Variants in TMEM132D observed in about 807,000 individuals in gnomAD.
TMEM132D encodes mature OL transmembrane protein.
In TMEM132D, 21 loss-of-function variants were observed where a neutral mutation model predicts 62.3. The observed-to-expected ratio is 0.34, with a 90% CI of 0.24 to 0.49. TMEM132D has a LOEUF of 0.49. Ranked by LOEUF, TMEM132D falls within the 20% of genes least tolerant of loss-of-function variation. The pLI is 0.99. For synonymous variants in TMEM132D, 621 were observed against 575.6 expected, an observed-to-expected ratio of 1.08 and a Z score of -1.13; for missense variants, 1,346 against 1,402.8, an observed-to-expected ratio of 0.96 and a Z score of 0.65.
chr12:129,752,858 C>CT (rs1392911796), intron 1 of TMEM132D, among the ~76,000 whole-genome samples: 3 of 152,196 alleles, frequency 2.0e-5, no homozygotes, highest in Non-Finnish European at 4.4e-5. Context: ...CCACTTACTA[C>CT]TTGGCGAGGA....
chr12:129,885,827 G>A (rs545129799), intron 1 of TMEM132D, among the ~76,000 whole-genome samples: 2 of 152,206 alleles, frequency 1.3e-5, no homozygotes, highest in Admixed American at 6.5e-5. Flanking sequence ...TGACACCCAC[G>A]ACCATCCACT....
intron 1 of TMEM132D, among the ~76,000 whole-genome samples, chr12:129,778,189 A>G (rs1302737568): frequency 4.8e-4 from 3 of 6,308 alleles, no homozygotes; most frequent in Non-Finnish European, 3.0e-3. Context: ...AAGGAATCAG[A>G]AAAAAAAAAC....
At position 129,425,058 on chromosome 12, in the gene TMEM132D, G is replaced by A. The variant is rs1214106433; in HGVS notation, c.1116-87241C>T. 6.4e-4 allele frequency among the ~76,000 whole-genome samples: 97 copies of A among 152,158 alleles called. 1 individual carries two copies. The highest frequency in any genetic ancestry group is 5.9e-5 in the Non-Finnish European group (4 of 68,036). ...GTCTGCTTCTTTCCCTTAGGGTAAT[G>A]AGTTTGAGGTCACCCATGTCAAAGG... On this transcript the variant is annotated intron_variant, in intron 3 of 8. Transcript: ENST00000422113.
chr12:129,553,943 G>C (rs1876976282), intron 2 of TMEM132D, among the ~76,000 whole-genome samples: 1 of 152,108 alleles, frequency 6.6e-6, no homozygotes, highest in African/African-American at 2.4e-5. Context: ...CCATCTCAAA[G>C]GAAACTCTCC....
intron 3 of TMEM132D, among the ~76,000 whole-genome samples, chr12:129,438,972 T>A (rs1298289342): frequency 6.6e-6 from 1 of 152,210 alleles, no homozygotes; most frequent in Admixed American, 6.5e-5. Context: ...CTCTGCAGGA[T>A]CACTTTGGCC....
chr12:129,553,024 G>A (rs975802272), intron 2 of TMEM132D, among the ~76,000 whole-genome samples: 6 of 152,252 alleles, frequency 3.9e-5, no homozygotes, highest in South Asian at 2.1e-4. Flanking sequence ...GAAAGGTCAC[G>A]CCACCATCCG....
chr12:129,330,678 C>T (rs943240122), intron 4 of TMEM132D, among the ~76,000 whole-genome samples: 20 of 152,342 alleles, frequency 1.3e-4, no homozygotes, highest in East Asian at 1.9e-4. Flanking sequence ...TACCTCGGGA[C>T]TCTGCAGAGA....
intron 2 of TMEM132D, among the ~76,000 whole-genome samples, chr12:129,622,292 G>A (rs1358699089): frequency 6.6e-6 from 1 of 152,198 alleles, no homozygotes; most frequent in Admixed American, 6.5e-5. Flanking sequence ...GGGCGATGAC[G>A]AGAAGATGAC....
intron 1 of TMEM132D, among the ~76,000 whole-genome samples, chr12:129,808,235 A>G (rs1872057183): frequency 6.6e-6 from 1 of 152,186 alleles, no homozygotes; most frequent in Admixed American, 6.5e-5. Flanking sequence ...AATGAGCCCT[A>G]TCCTTTATTC....
At chr12:129,235,351 G>A (rs1402571478) in intron 4 of TMEM132D, among the ~76,000 whole-genome samples, 2 of 150,140 alleles carry the variant, frequency 1.3e-5, no homozygotes, top group East Asian at 3.9e-4. Flanking sequence ...CCTCAACAAA[G>A]TTCATTCACA....
At chr12:129,687,931 T>A (rs530695203) in intron 2 of TMEM132D, among the ~76,000 whole-genome samples, 1 of 151,984 alleles carries the variant, frequency 6.6e-6, no homozygotes, top group Non-Finnish European at 1.5e-5. Context: ...TTCAGGAAAA[T>A]GGTAGGCACT....
chr12:129,637,900 A>AC (rs1879529002), intron 2 of TMEM132D, among the ~76,000 whole-genome samples: 1 of 152,144 alleles, frequency 6.6e-6, no homozygotes, highest in Admixed American at 6.5e-5. Context: ...CAAGAATAGC[A>AC]CCAAGGGGTG....
chr12:129,839,625 T>C (rs998697849), intron 1 of TMEM132D, among the ~76,000 whole-genome samples: 1 of 152,176 alleles, frequency 6.6e-6, no homozygotes, highest in African/African-American at 2.4e-5. Flanking sequence ...CTTCTGGGAA[T>C]ATGCCTTAAA....
chr12:129,306,189 C>A (rs1224107154), intron 4 of TMEM132D, among the ~76,000 whole-genome samples: 1 of 152,148 alleles, frequency 6.6e-6, no homozygotes, highest in African/African-American at 2.4e-5. Flanking sequence ...CCTCGGTTAC[C>A]AAAAGCTAAA....
At chr12:129,543,550 T>C (rs181415400) in intron 2 of TMEM132D, among the ~76,000 whole-genome samples, 2 of 152,336 alleles carry the variant, frequency 1.3e-5, no homozygotes, top group Admixed American at 1.3e-4. Flanking sequence ...ACTGTGAGAA[T>C]GCCCAGGGTG....
chr12:129,777,848 T>C (rs1025886651), intron 1 of TMEM132D, among the ~76,000 whole-genome samples: 1 of 152,002 alleles, frequency 6.6e-6, no homozygotes, highest in African/African-American at 2.4e-5. Flanking sequence ...CAGAAATCAC[T>C]CTAGGCTGGG....
intron 2 of TMEM132D, among the ~76,000 whole-genome samples, chr12:129,590,726 G>A (rs1342339522): frequency 6.6e-6 from 1 of 152,184 alleles, no homozygotes; most frequent in Non-Finnish European, 1.5e-5. Flanking sequence ...AACAGGGCTT[G>A]GGCATCCTGT....
chr12:129,343,518 A>T (rs1869577201), intron 3 of TMEM132D, among the ~76,000 whole-genome samples: 1 of 152,196 alleles, frequency 6.6e-6, no homozygotes, highest in Non-Finnish European at 1.5e-5. Flanking sequence ...TGTCACATGT[A>T]TACATATGTA....
chr12:129,542,794 T>C (rs940280500), intron 2 of TMEM132D, among the ~76,000 whole-genome samples: 1 of 152,146 alleles, frequency 6.6e-6, no homozygotes, highest in African/African-American at 2.4e-5. Flanking sequence ...TGTACAACAA[T>C]GGTCCCATAA....
Sources: allele counts gnomAD v4.1 joint callset (sites outside exome capture counted in the v4.1 genomes callset), GRCh38; gene constraint gnomAD v4.1.1; transcripts MANE v1.5; gene names NCBI Gene and HGNC (gene_info 2026-07-23, HGNC 2026-07-21).